SSTR2: variants seen among roughly 807,000 people sequenced by gnomAD.
The protein encoded by SSTR2 is somatostatin receptor 2, also known as somatostatin receptor type 2.
A neutral mutation model predicts 21.4 loss-of-function variants in SSTR2; 10 were observed. That is an observed-to-expected ratio of 0.47 (90% CI 0.29 to 0.79). The LOEUF (loss-of-function observed/expected upper bound fraction) is 0.79. Ranked by LOEUF, SSTR2 falls within the 30% of genes least tolerant of loss-of-function variation. The pLI, the probability that SSTR2 is intolerant of heterozygous loss-of-function variation, is 0.10. For missense variants in SSTR2, 364 were observed against 468.8 expected, an observed-to-expected ratio of 0.78 and a Z score of 2.06; for synonymous variants, 177 against 181.3, an observed-to-expected ratio of 0.98 and a Z score of 0.19.
In SSTR2 at chr17:73,170,994, T is replaced by C. The variant is rs7210093; in HGVS notation, c.*565T>C. The C allele has an allele frequency of 0.28, 81,916 of 292,934 alleles. 12,503 individuals carry two copies. Among genetic ancestry groups the C allele is most frequent in the Admixed American group, 0.39 (8,819 of 22,512 alleles). The allele number at this position is 292,934 out of a possible 1,614,324, so 18.1% of individuals were successfully genotyped here. On this transcript the variant is annotated 3_prime_UTR_variant, in exon 2 of 2. Coordinates refer to ENST00000357585, the MANE Select transcript of SSTR2 (RefSeq NM_001050.3). ...GGCCTTGCCAAGGCCCAGGAGGGACTTGGGCAGTATGTTCATGTGGTCATA... is the reference window on the plus strand; with the variant it reads ...GGCCTTGCCAAGGCCCAGGAGGGACCTGGGCAGTATGTTCATGTGGTCATA...
rs925853396 is a variant in SSTR2 at position 73,175,730 on chromosome 17, G to C, written c.*5301G>C. 6.6e-6 allele frequency: 1 copy of C among 152,198 alleles called. No individual in the cohort carries two copies. The highest frequency in any genetic ancestry group is 2.4e-5 in the African/African-American group (1 of 41,454). 9.4% of individuals were successfully genotyped at this position (152,198 alleles called of 1,614,324 possible). A position where few individuals can be genotyped will look rare whatever the true frequency, so the allele number is the denominator to read the frequency against. Reference sequence around the variant, plus strand: ...TCTCCTGATCCTGCTAGGCCTGGAAGCAGGAAAGAAATGTCCTGGTTAGAG... The same window carrying C: ...TCTCCTGATCCTGCTAGGCCTGGAACCAGGAAAGAAATGTCCTGGTTAGAG... On this transcript the variant is annotated 3_prime_UTR_variant, in exon 2 of 2. Coordinates refer to ENST00000357585, the MANE Select transcript of SSTR2 (RefSeq NM_001050.3).
Position 73,171,497 on chromosome 17 carries a change from G to A in SSTR2, c.*1068G>A, listed in dbSNP as rs1276890508. ...GAGTGAAGCAAAATTACACCTTTATGAGAAACCATAAAATTGTTTTTATTT... is the reference window on the plus strand; with the variant it reads ...GAGTGAAGCAAAATTACACCTTTATAAGAAACCATAAAATTGTTTTTATTT... On this transcript the variant is annotated 3_prime_UTR_variant, in exon 2 of 2. Transcript: ENST00000357585. 1 of 166,890 alleles carries A rather than the reference G, an allele frequency of 6.0e-6. No homozygotes were observed. Among genetic ancestry groups the A allele is most frequent in the Non-Finnish European group, 1.5e-5 (1 of 68,106 alleles). The allele number at this position is 166,890 out of a possible 1,614,324, so 10.3% of individuals were successfully genotyped here.
intron 1 of SSTR2, among the ~76,000 whole-genome samples, chr17:73,168,769 C>T (rs1230470105): frequency 1.3e-5 from 2 of 152,166 alleles, no homozygotes; most frequent in African/African-American, 4.8e-5. Context: ...GTTTGTTCTG[C>T]CTCTAGAGTC....
intron 1 of SSTR2, among the ~76,000 whole-genome samples, chr17:73,166,437 T>C (rs1012771583): frequency 8.0e-6 from 1 of 124,788 alleles, no homozygotes. Context: ...ACAGCCCCTA[T>C]GTAAAAGGGG....
At position 73,170,623 on chromosome 17, in the gene SSTR2, C is replaced by A. The variant is rs1568286547; in HGVS notation, c.*194C>A. 6 of 765,384 alleles carry A rather than the reference C, an allele frequency of 7.8e-6. 1 individual carries two copies. The highest frequency in any genetic ancestry group is 1.5e-5 in the South Asian group (1 of 67,776). 47.4% of individuals were successfully genotyped at this position (765,384 alleles called of 1,614,324 possible). Reference sequence around the variant, plus strand: ...GAATGATAATGTGCTAAATTGATTACCTCCCCCTTAAAGCGAACACTGAAA... The same window carrying A: ...GAATGATAATGTGCTAAATTGATTAACTCCCCCTTAAAGCGAACACTGAAA... On this transcript the variant is annotated 3_prime_UTR_variant, in exon 2 of 2. Transcript: ENST00000357585.
At chr17:73,165,335 T>TGTGA (rs1491564085) in intron 1 of SSTR2, 47 bp downstream of exon 1, 8,905 of 141,516 alleles carry the variant, frequency 0.063, 497 homozygotes, top group Admixed American at 0.13. Context: ...TGTGTGTGTG[T>TGTGA]GATAAGAGAG....
intron 1 of SSTR2, among the ~76,000 whole-genome samples, chr17:73,166,420 GGTAATCACAGCCCCTAT>G (rs2145066469): frequency 6.7e-6 from 1 of 149,124 alleles, no homozygotes; most frequent in East Asian, 2.0e-4. Context: ...TTCTTGGGCT[GGTAATCACAGCCCCTAT>G]GTAAAAGGGG....
At chr17:73,165,952 C>CG (rs1555721643) in intron 1 of SSTR2, among the ~76,000 whole-genome samples, 2 of 150,522 alleles carry the variant, frequency 1.3e-5, no homozygotes, top group South Asian at 2.1e-4. Flanking sequence ...GCCCCCCCCC[C>CG]ACACCCGGCA....
rs971087245 is a variant in SSTR2, at chr17:73,171,639, G to A, written c.*1210G>A. 2 of 166,338 alleles carry A rather than the reference G, an allele frequency of 1.2e-5. No individual in the cohort carries two copies. The highest frequency in any genetic ancestry group is 6.6e-5 in the Admixed American group (1 of 15,264). 10.3% of individuals were successfully genotyped at this position (166,338 alleles called of 1,614,324 possible). Reference sequence around the variant, plus strand: ...GGGCATTAAGAAAACCACAATGCATGGCCGGGCGTGGTGGCTTACACCTGT... The same window carrying A: ...GGGCATTAAGAAAACCACAATGCATAGCCGGGCGTGGTGGCTTACACCTGT... On this transcript the variant is annotated 3_prime_UTR_variant, in exon 2 of 2. Coordinates refer to ENST00000357585, the MANE Select transcript of SSTR2 (RefSeq NM_001050.3).
chr17:73,170,297 C>A lies in SSTR2; in HGVS notation c.978C>A (p.Val326=). The A allele has an allele frequency of 6.2e-7, 1 of 1,613,994 alleles. No homozygotes were observed. Among genetic ancestry groups the A allele is most frequent in the Non-Finnish European group, 8.5e-7 (1 of 1,180,026 alleles). ...SDNFKKSFQN[V]LCLVKVSGTD... is the part of the protein sequence containing the mutation. ...ACTTCAAGAAGAGCTTCCAGAATGT[C>A]CTCTGCTTGGTCAAGGTGAGCGGCA... Residue 326 remains valine (V), a synonymous_variant, in exon 2 of 2, where the codon GTC becomes GTA. Transcript: ENST00000357585.
At position 73,172,771 on chromosome 17, in the gene SSTR2, T is replaced by C. The variant is rs536835448; in HGVS notation, c.*2342T>C. 3 of 152,152 alleles carry C rather than the reference T, an allele frequency of 2.0e-5. No homozygotes were observed. Among genetic ancestry groups the C allele is most frequent in the African/African-American group, 7.2e-5 (3 of 41,508 alleles). 9.4% of individuals were successfully genotyped at this position (152,152 alleles called of 1,614,324 possible). A position where few individuals can be genotyped will look rare whatever the true frequency, so the allele number is the denominator to read the frequency against. ...TTTTTTAAACAAAAACAAGCAAAGA[T>C]TTGGAAGAAAATGCTTTAGACCTAA... is the stretch of plus-strand genomic sequence containing the variant. On this transcript the variant is annotated 3_prime_UTR_variant, in exon 2 of 2. Transcript: ENST00000357585.
rs1175223486 is a variant in SSTR2 at position 73,169,341 on chromosome 17, C to T, written c.22C>T (p.Leu8Phe). ...AGCCATGGACATGGCGGATGAGCCA[C>T]TCAATGGAAGCCACACATGGCTATC... MDMADEPLNGSHTWLSIP... is the reference protein window; with the variant it reads MDMADEPFNGSHTWLSIP... Residue 8 changes from leucine (L) to phenylalanine (F), a missense_variant, in exon 2 of 2, where the codon CTC (leucine) becomes TTC (phenylalanine). Physicochemically the swap from Leu to Phe is conservative, Grantham distance 22. This residue lies in a region of SSTR2 where 75 missense variants were observed against 75.4 expected (regional missense o/e 0.99). Coordinates refer to ENST00000357585, the MANE Select transcript of SSTR2 (RefSeq NM_001050.3). The surrounding 1 kb of genome is among the most constrained non-coding windows in gnomAD (Gnocchi z 5.2). 6.2e-7 allele frequency: 1 copy of T among 1,613,112 alleles called. No homozygotes were observed. Among genetic ancestry groups the T allele is most frequent in the Non-Finnish European group, 8.5e-7 (1 of 1,179,746 alleles).
chr17:73,170,454 C>A lies in SSTR2; in HGVS notation c.*25C>A. 1.2e-6 allele frequency: 2 copies of A among 1,603,762 alleles called. No homozygotes were observed. Among genetic ancestry groups the A allele is most frequent in the South Asian group, 1.1e-5 (1 of 90,108 alleles). Reference sequence around the variant, plus strand: ...AACTGCTTGGGGGGTGGGAAAGAACCAAGCCATGCTCTGTCTACTGGCAAT... The same window carrying A: ...AACTGCTTGGGGGGTGGGAAAGAACAAAGCCATGCTCTGTCTACTGGCAAT... On this transcript the variant is annotated 3_prime_UTR_variant, in exon 2 of 2. Transcript: ENST00000357585.
rs775032215 is a variant in SSTR2, at chr17:73,170,453, C to G, written c.*24C>G. 1.9e-6 allele frequency: 3 copies of G among 1,603,804 alleles called. No individual in the cohort carries two copies. Among genetic ancestry groups the G allele is most frequent in the Non-Finnish European group, 1.7e-6 (2 of 1,174,000 alleles). ...GAACTGCTTGGGGGGTGGGAAAGAA[C>G]CAAGCCATGCTCTGTCTACTGGCAA... On this transcript the variant is annotated 3_prime_UTR_variant, in exon 2 of 2. Coordinates refer to ENST00000357585, the MANE Select transcript of SSTR2 (RefSeq NM_001050.3).
Position 73,170,105 on chromosome 17 carries a change from G to A in SSTR2, c.786G>A (p.Val262=). 6.2e-7 allele frequency: 1 copy of A among 1,614,146 alleles called. No individual in the cohort carries two copies. The highest frequency in any genetic ancestry group is 8.5e-7 in the Non-Finnish European group (1 of 1,180,036). The change falls in exon 2 of 2, where the codon GTG becomes GTA. Residue 262 remains valine (V), a synonymous_variant. Transcript: ENST00000357585. The part of the protein sequence containing the change: ...KKVTRMVSIV[V]AVFIFCWLPF... ...TCACCCGAATGGTGTCCATCGTGGTGGCTGTCTTCATCTTCTGCTGGCTTC... is the reference window on the plus strand; with the variant it reads ...TCACCCGAATGGTGTCCATCGTGGTAGCTGTCTTCATCTTCTGCTGGCTTC...
chr17:73,173,410 T>C lies in SSTR2; in HGVS notation c.*2981T>C, dbSNP rs536464816. The C allele has an allele frequency of 2.0e-5, 3 of 152,332 alleles. No individual in the cohort carries two copies. Among genetic ancestry groups the C allele is most frequent in the Admixed American group, 1.3e-4 (2 of 15,308 alleles). The allele number at this position is 152,332 out of a possible 1,614,324, so 9.4% of individuals were successfully genotyped here. ...ATCTGATGCTATAATTCCATCCAAA[T>C]ACACAGTTAGGTTTCTACCATAGGG... On this transcript the variant is annotated 3_prime_UTR_variant, in exon 2 of 2. Coordinates refer to ENST00000357585, the MANE Select transcript of SSTR2 (RefSeq NM_001050.3).
Position 73,174,442 on chromosome 17 carries a change from C to T in SSTR2, c.*4013C>T, listed in dbSNP as rs77820613. On this transcript the variant is annotated 3_prime_UTR_variant, in exon 2 of 2. Transcript: ENST00000357585. ...CAATGGACTGTTAAAATGCATGTTC[C>T]GGGCTGGGGATGGTGGCTCACACCT... is the stretch of plus-strand genomic sequence containing the variant. 1,451 of 151,754 alleles carry T rather than the reference C, an allele frequency of 9.6e-3. 65 individuals are homozygous for T. In the East Asian group the frequency reaches 0.14, roughly 14 times the overall value. The allele number at this position is 151,754 out of a possible 1,614,324, so 9.4% of individuals were successfully genotyped here. A position where few individuals can be genotyped will look rare whatever the true frequency, so the allele number is the denominator to read the frequency against.
In SSTR2 at chr17:73,170,319, G is replaced by A. The variant is rs1236724198; in HGVS notation, c.1000G>A (p.Gly334Ser). 8.7e-6 allele frequency: 14 copies of A among 1,613,822 alleles called. No individual in the cohort carries two copies. The highest frequency in any genetic ancestry group is 5.0e-5 in the Admixed American group (3 of 59,978). Reference sequence around the variant, plus strand: ...TGTCCTCTGCTTGGTCAAGGTGAGCGGCACAGATGATGGGGAGCGGAGTGA... The same window carrying A: ...TGTCCTCTGCTTGGTCAAGGTGAGCAGCACAGATGATGGGGAGCGGAGTGA... Reference protein sequence around the residue: ...QNVLCLVKVSGTDDGERSDSK... With the variant: ...QNVLCLVKVSSTDDGERSDSK... The change falls in exon 2 of 2, where the codon GGC (glycine) becomes AGC (serine). Residue 334 changes from glycine (G) to serine (S), a missense_variant. By Grantham distance (56) the Gly-to-Ser change is moderately conservative (BLOSUM62 0). Transcript: ENST00000357585.
At chr17:73,167,630 C>G (rs995634885) in intron 1 of SSTR2, among the ~76,000 whole-genome samples, 23 of 152,132 alleles carry the variant, frequency 1.5e-4, no homozygotes, top group African/African-American at 5.6e-4. Flanking sequence ...CTTCATATAC[C>G]CAAGACCCAG....
Sources: gnomAD v4.1 joint callset for allele counts (sites outside exome capture counted in the v4.1 genomes callset) on GRCh38, gnomAD v4.1.1 for gene constraint, gnomAD v4.1.1 regional missense constraint, Gnocchi (gnomAD v3.1) non-coding constraint, MANE v1.5 for transcripts, NCBI Gene and HGNC (gene_info 2026-07-23, HGNC 2026-07-21) for gene names.